TENM1: variants seen among roughly 807,000 people sequenced by gnomAD.
TENM1 encodes the protein teneurin transmembrane protein 1, also known as teneurin-1.
A neutral mutation model predicts 174.8 loss-of-function variants in TENM1; 35 were observed. The ratio of observed to expected loss-of-function variants is 0.20; its 90% CI spans 0.15 to 0.27. The LOEUF is 0.27. Among genes scored for constraint, TENM1 ranks in the 10% least tolerant of loss-of-function variants. The pLI, the probability that TENM1 is intolerant of heterozygous loss-of-function variation, is 1.00. For synonymous variants in TENM1, 781 were observed against 798.7 expected, an observed-to-expected ratio of 0.98 and a Z score of 0.37; for missense variants, 1,633 against 2,130.1, an observed-to-expected ratio of 0.77 and a Z score of 4.59.
chrX:124,447,112 A>C (rs1213063749), intron 23 of TENM1, among the ~76,000 whole-genome samples: 3 of 111,185 alleles, frequency 2.7e-5, no homozygotes, highest in Non-Finnish European at 5.7e-5. Context: ...CACTGTAAGT[A>C]CTACTATAAA....
At chrX:124,443,736 A>G (rs1044621791) in intron 23 of TENM1, among the ~76,000 whole-genome samples, 1 of 111,844 alleles carries the variant, frequency 8.9e-6, no homozygotes, top group African/African-American at 3.2e-5. Context: ...CACTGTGACT[A>G]GAAACAAATT....
the TENM1 span, among the ~76,000 whole-genome samples, chrX:125,080,766 C>A: frequency 9.0e-6 from 1 of 110,607 alleles, no homozygotes; most frequent in South Asian, 3.8e-4. Flanking sequence ...TCTGTATCTA[C>A]TGGAGATGAG....
chrX:125,204,307 C>A, the TENM1 span: 1 of 111,906 alleles, frequency 8.9e-6, no homozygotes, highest in African/African-American at 3.2e-5. Context: ...GCCGCCGCCG[C>A]GCTCTAAGGC....
the TENM1 span, among the ~76,000 whole-genome samples, chrX:125,079,187 T>TA: frequency 2.9e-3 from 329 of 111,551 alleles, 2 homozygotes; most frequent in African/African-American, 0.01. Flanking sequence ...GAATAAGATA[T>TA]AAAAATAATA....
At chrX:125,010,610 C>A in the TENM1 span, among the ~76,000 whole-genome samples, 30 of 108,514 alleles carry the variant, frequency 2.8e-4, no homozygotes, top group Middle Eastern at 4.7e-3. Flanking sequence ...GTCAGGAGAT[C>A]GAGACCATCC....
chrX:125,176,742 C>T, the TENM1 span, among the ~76,000 whole-genome samples: 2 of 111,718 alleles, frequency 1.8e-5, no homozygotes, highest in Non-Finnish European at 3.8e-5. Context: ...AAATGACTTA[C>T]AAAAATGTAC....
intron 1 of TENM1, among the ~76,000 whole-genome samples, chrX:124,925,714 C>T (rs976245162): frequency 3.0e-4 from 34 of 112,199 alleles, no homozygotes; most frequent in African/African-American, 8.1e-4. Flanking sequence ...TAACTGAGCC[C>T]GAATGTTCAG....
At chrX:125,017,095 T>A in the TENM1 span, among the ~76,000 whole-genome samples, 2 of 111,700 alleles carry the variant, frequency 1.8e-5, no homozygotes, top group African/African-American at 6.5e-5. Flanking sequence ...ATGTAAGACC[T>A]AAAACCATAA....
chrX:124,414,147 G>T (rs1186720767), intron 25 of TENM1, among the ~76,000 whole-genome samples: 1 of 111,591 alleles, frequency 9.0e-6, no homozygotes, highest in Admixed American at 9.5e-5. Flanking sequence ...GAGAGGATGT[G>T]TTAATAAAGT....
At chrX:125,042,598 AC>A in the TENM1 span, among the ~76,000 whole-genome samples, 1 of 111,308 alleles carries the variant, frequency 9.0e-6, no homozygotes, top group Admixed American at 9.6e-5. Context: ...TTTAGCATGG[AC>A]CTCTTTGAAC....
chrX:124,819,528 A>T (rs976006362), intron 3 of TENM1, among the ~76,000 whole-genome samples: 1 of 110,686 alleles, frequency 9.0e-6, no homozygotes, highest in East Asian at 2.8e-4. Flanking sequence ...AACTCTAATT[A>T]TTTCTTTACT....
the TENM1 span, among the ~76,000 whole-genome samples, chrX:125,128,563 T>A: frequency 5.4e-5 from 6 of 111,628 alleles, no homozygotes; most frequent in Admixed American, 2.9e-4. Flanking sequence ...GTGGCACTGC[T>A]AAGCATGGCC....
At chrX:124,989,825 A>G in the TENM1 span, among the ~76,000 whole-genome samples, 597 of 111,149 alleles carry the variant, frequency 5.4e-3, 4 homozygotes, top group African/African-American at 0.017. Context: ...TGTACTTTTC[A>G]CAGTTTCTGG....
chrX:124,623,644 G>A (rs2050573139), intron 11 of TENM1, among the ~76,000 whole-genome samples: 1 of 110,933 alleles, frequency 9.0e-6, no homozygotes, highest in Non-Finnish European at 1.9e-5. Context: ...AAATTTGCAG[G>A]GAAAAAATAG....
intron 23 of TENM1, among the ~76,000 whole-genome samples, chrX:124,423,636 T>C (rs5958486): frequency 0.52 from 56,426 of 109,220 alleles, 11,130 homozygotes; most frequent in Non-Finnish European, 0.62. Context: ...AGGAGAAGAA[T>C]TGGGTGGAAG....
At chrX:124,646,063 C>CT (rs2148383148) in intron 9 of TENM1, among the ~76,000 whole-genome samples, 1 of 112,048 alleles carries the variant, frequency 8.9e-6, no homozygotes, top group East Asian at 2.8e-4. Flanking sequence ...AGACTGGGAA[C>CT]TTTAAGAATA....
the TENM1 span, among the ~76,000 whole-genome samples, chrX:124,977,963 TGTGTGAGAGAGAGAGAGAGAGAGAGA>T: frequency 1.8e-3 from 75 of 40,641 alleles, no homozygotes; most frequent in African/African-American, 4.5e-3. Context: ...TGTGTGTGTG[TGTGTGAGAGAGAGAGAGAGAGAGAGA>T]GAGAGAGAGA....
rs2047902557 is a variant in TENM1 at position 124,523,528 on chromosome X, G to C, written c.2869C>G (p.Gln957Glu). The C allele has an allele frequency of 8.3e-7, 1 of 1,211,599 alleles. No individual in the cohort carries two copies. The highest frequency in any genetic ancestry group is 1.1e-6 in the Non-Finnish European group (1 of 895,440). Reference sequence around the variant, plus strand: ...GTGACTTTCTCTACCACAATAAACTGATTCCAAGGCAACCAGAGTGTTCTC... The same window carrying C: ...GTGACTTTCTCTACCACAATAAACTCATTCCAAGGCAACCAGAGTGTTCTC... The change falls in exon 17 of 32, where the codon CAG becomes GAG. Residue 957 changes from glutamine to glutamate, a missense_variant. Transcript: ENST00000422452.
intron 3 of TENM1, among the ~76,000 whole-genome samples, chrX:124,773,312 T>TG (rs1355755621): frequency 9.3e-6 from 1 of 107,852 alleles, no homozygotes; most frequent in Non-Finnish European, 1.9e-5. Flanking sequence ...GGATGGCAAG[T>TG]GAATTTTGCT....
Sources: allele counts gnomAD v4.1 joint callset (sites outside exome capture counted in the v4.1 genomes callset), GRCh38; gene constraint gnomAD v4.1.1; transcripts MANE v1.5; gene names NCBI Gene and HGNC (gene_info 2026-07-23, HGNC 2026-07-21).